The following XRN1 variants were observed in gnomAD, a reference collection of about 807,000 sequenced individuals.
XRN1 encodes the protein strand-exchange protein 1 homolog.
Under a neutral mutation model 222.3 loss-of-function variants are expected in XRN1, and 67 were observed. The ratio of observed to expected loss-of-function variants is 0.30; its 90% CI spans 0.25 to 0.37. The LOEUF (loss-of-function observed/expected upper bound fraction) is 0.37, where lower values mean the gene tolerates loss of function less well. Ranked by LOEUF, XRN1 falls within the 10% of genes least tolerant of loss-of-function variation. The pLI is 1.00. For synonymous variants in XRN1, 643 were observed against 652.4 expected, an observed-to-expected ratio of 0.99 and a Z score of 0.22; for missense variants, 1,707 against 2,000.2, an observed-to-expected ratio of 0.85 and a Z score of 2.80.
intron 8 of XRN1, among the ~76,000 whole-genome samples, chr3:142,422,026 T>A (rs540551806): frequency 6.6e-6 from 1 of 152,300 alleles, no homozygotes; most frequent in East Asian, 1.9e-4. Context: ...ACCAATAAAG[T>A]ATGCTGGCTT....
chr3:142,414,258 A>G lies in XRN1; in HGVS notation c.1470T>C (p.Ser490=). The G allele has an allele frequency of 6.2e-7, 1 of 1,612,628 alleles. No individual in the cohort carries two copies. Among genetic ancestry groups the G allele is most frequent in the Non-Finnish European group, 8.5e-7 (1 of 1,179,338 alleles). ...YYPYHYAPFL[S]DIHNISTLKI... ...TGAGTGTACTGATGTTGTGTATATC[A>G]GACAGGAAAGGTGCATAATGATAAG... The change falls in exon 14 of 41, where the codon TCT becomes TCC. Residue 490 remains serine (S), a synonymous_variant. Transcript: ENST00000392981.
At chr3:142,432,019 T>G (rs1577435750) in intron 2 of XRN1, among the ~76,000 whole-genome samples, 1 of 77,104 alleles carries the variant, frequency 1.3e-5, no homozygotes, top group South Asian at 3.1e-4. Context: ...TATATATTTT[T>G]TTAATATATA....
rs1403612236 is a variant in XRN1 at position 142,308,011 on chromosome 3, G to A, written c.*3500C>T. ...AGCAAGCTCATAAGGCTGAGAAATT[G>A]TACAGTTGCTTTAAAAAACTGTGCT... On this transcript the variant is annotated 3_prime_UTR_variant, in exon 41 of 41. Coordinates refer to ENST00000392981, the MANE Select transcript of XRN1 (RefSeq NM_001282857.2). 1 of 152,178 alleles carries A rather than the reference G, an allele frequency of 6.6e-6. No homozygotes were observed. Among genetic ancestry groups the A allele is most frequent in the Non-Finnish European group, 1.5e-5 (1 of 68,022 alleles). The allele number at this position is 152,178 out of a possible 1,614,324, so 9.4% of individuals were successfully genotyped here. A position where few individuals can be genotyped will look rare whatever the true frequency, so the allele number is the denominator to read the frequency against.
intron 19 of XRN1, among the ~76,000 whole-genome samples, chr3:142,399,030 CAAT>C (rs1026533837): frequency 4.0e-5 from 6 of 151,272 alleles, no homozygotes; most frequent in East Asian, 1.9e-4. Flanking sequence ...AAAACCAAAA[CAAT>C]GATGAGAGAA....
At position 142,431,648 on chromosome 3, in the gene XRN1, C is replaced by T. The variant is rs558750810; in HGVS notation, c.308+1013G>A. Among the ~76,000 whole-genome samples the T allele has an allele frequency of 1.2e-4, 18 of 150,342 alleles. No homozygotes were observed. In the South Asian group the frequency reaches 3.6e-3, roughly 30 times the overall value. The stretch of plus-strand genomic sequence containing the variant: ...CCTGGCCAACGTGGTGAAACTCCGT[C>T]TCTACTAAAAATACAAAAATTAGCT... On this transcript the variant is annotated intron_variant, in intron 2 of 40. Coordinates refer to ENST00000392981, the MANE Select transcript of XRN1 (RefSeq NM_001282857.2).
chr3:142,415,331 C>CA lies in XRN1; in HGVS notation c.1437-1041dup, dbSNP rs144936540. On this transcript the variant is annotated intron_variant, in intron 13 of 40. Coordinates refer to ENST00000392981, the MANE Select transcript of XRN1 (RefSeq NM_001282857.2). ...TATTCCATAATTATGGCGTACATTT[C>CA]AAAAAAAATGGAGGAGTTTAGGAGG... 4.6e-3 allele frequency among the ~76,000 whole-genome samples: 692 copies of CA among 151,392 alleles called. 10 individuals are homozygous for CA. Among genetic ancestry groups the CA allele is most frequent in the East Asian group, 0.029 (148 of 5,168 alleles).
At position 142,376,357 on chromosome 3, in the gene XRN1, T is replaced by C. The variant is rs975757338; in HGVS notation, c.2831+122A>G. 4.6e-5 allele frequency: 39 copies of C among 847,196 alleles called. No homozygotes were observed. In the East Asian group the frequency reaches 6.2e-4, roughly 13 times the overall value. The allele number at this position is 847,196 out of a possible 1,614,324, so 52.5% of individuals were successfully genotyped here. ...GAAAGATTACCATCAGAGAAATTTA[T>C]GCACAATTTTAAGACAATCCAGAGC... On this transcript the variant is annotated intron_variant, in intron 24 of 40. Coordinates refer to ENST00000392981, the MANE Select transcript of XRN1 (RefSeq NM_001282857.2).
intron 18 of XRN1, among the ~76,000 whole-genome samples, chr3:142,402,802 T>A (rs1005255277): frequency 6.6e-6 from 1 of 152,230 alleles, no homozygotes; most frequent in African/African-American, 2.4e-5. Context: ...ATTACAATTT[T>A]TTTTTTAGTT....
At chr3:142,363,571 CT>C (rs1439156833) in intron 29 of XRN1, among the ~76,000 whole-genome samples, 3 of 143,744 alleles carry the variant, frequency 2.1e-5, no homozygotes, top group African/African-American at 7.8e-5. Context: ...GTAAAGTTTA[CT>C]CTAGCTTTGT....
intron 32 of XRN1, among the ~76,000 whole-genome samples, chr3:142,348,978 G>T (rs549506111): frequency 2.6e-5 from 4 of 151,712 alleles, no homozygotes; most frequent in African/African-American, 9.7e-5. Context: ...TTGAGACAGG[G>T]TGTTTGCTCT....
Position 142,311,619 on chromosome 3 carries a change from G to T in XRN1, c.4977C>A (p.Ala1659=). 1 of 1,614,114 alleles carries T rather than the reference G, an allele frequency of 6.2e-7. No individual in the cohort carries two copies. Among genetic ancestry groups the T allele is most frequent in the Admixed American group, 1.7e-5 (1 of 60,010 alleles). The change falls in exon 41 of 41, where the codon GCC becomes GCA. Residue 1659 remains alanine, a synonymous_variant. Coordinates refer to ENST00000392981, the MANE Select transcript of XRN1 (RefSeq NM_001282857.2). ...QPASSFQVET[A]SQGHSISHHK... The stretch of plus-strand genomic sequence containing the variant: ...GGTGAGATATACTATGGCCTTGAGA[G>T]GCAGTTTCAACTTGAAAAGAAGATG...
At chr3:142,431,996 G>GTA (rs1234025550) in intron 2 of XRN1, among the ~76,000 whole-genome samples, 3 of 33,422 alleles carry the variant, frequency 9.0e-5, no homozygotes, top group Non-Finnish European at 1.5e-4. Flanking sequence ...ATAATATATT[G>GTA]TATATATATA....
chr3:142,419,015 T>G, intron 10 of XRN1, 134 bp from the exon 11 acceptor site: 1 of 788,102 alleles, frequency 1.3e-6, no homozygotes, highest in East Asian at 2.6e-5. Flanking sequence ...TGCCCATCTG[T>G]TTTTCCTCCC....
chr3:142,352,073 ACTC>A (rs1313682233), intron 32 of XRN1, among the ~76,000 whole-genome samples: 2 of 151,992 alleles, frequency 1.3e-5, no homozygotes, highest in Admixed American at 6.6e-5. Context: ...CTATCATTCT[ACTC>A]CTCCTCAGTT....
intron 2 of XRN1, among the ~76,000 whole-genome samples, chr3:142,429,170 C>CA (rs1462950326): frequency 8.7e-6 from 1 of 114,396 alleles, no homozygotes; most frequent in African/African-American, 3.5e-5. Flanking sequence ...TTTTTTGAGA[C>CA]AGAGTTTCAC....
intron 25 of XRN1, among the ~76,000 whole-genome samples, chr3:142,372,332 G>C (rs1450635426): frequency 6.6e-6 from 1 of 152,170 alleles, no homozygotes; most frequent in East Asian, 1.9e-4. Context: ...AAGGTCTCTA[G>C]AAATGGACTC....
chr3:142,324,255 C>A (rs2065451707), intron 37 of XRN1, among the ~76,000 whole-genome samples: 1 of 115,900 alleles, frequency 8.6e-6, no homozygotes, highest in Non-Finnish European at 1.7e-5. Flanking sequence ...CCTCCCCCCA[C>A]CCACAACAGT....
intron 26 of XRN1, among the ~76,000 whole-genome samples, chr3:142,370,826 A>G (rs1210043588): frequency 6.6e-6 from 1 of 152,186 alleles, no homozygotes; most frequent in Non-Finnish European, 1.5e-5. Context: ...GTTGATATAA[A>G]TGAAAGAAAA....
intron 32 of XRN1, among the ~76,000 whole-genome samples, chr3:142,350,883 G>A (rs1462982623): frequency 6.6e-6 from 1 of 152,108 alleles, no homozygotes; most frequent in Admixed American, 6.5e-5. Flanking sequence ...GTTCAATTTT[G>A]GACATGGTAA....
Sources: allele counts gnomAD v4.1 joint callset (sites outside exome capture counted in the v4.1 genomes callset), GRCh38; gene constraint gnomAD v4.1.1; transcripts MANE v1.5; gene names NCBI Gene and HGNC (gene_info 2026-07-23, HGNC 2026-07-21).